Variants in DRC7 observed in about 807,000 individuals in gnomAD.
DRC7 encodes the protein coiled-coil domain containing 135.
A neutral mutation model predicts 104.4 loss-of-function variants in DRC7; 80 were observed. That is an observed-to-expected ratio of 0.77 (90% CI 0.64 to 0.92). The LOEUF is 0.92. Among genes scored for constraint, DRC7 ranks in the 40% least tolerant of loss-of-function variants. The pLI, the probability that DRC7 is intolerant of heterozygous loss-of-function variation, is 0.00. For missense variants in DRC7, 1,034 were observed against 1,141.1 expected (o/e 0.91, Z 1.35); for synonymous variants, 405 against 447.3 (o/e 0.91, Z 1.19).
At chr16:57,726,012 A>C in intron 13 of DRC7, 56 bp from the exon 14 acceptor site, 1 of 1,494,124 alleles carries the variant, frequency 6.7e-7, no homozygotes, top group Non-Finnish European at 9.2e-7. Context: ...CATGCACAGA[A>C]ATCTCCTCTC....
chr16:57,699,240 C>A (rs1436127977), intron 4 of DRC7, among the ~76,000 whole-genome samples: 2 of 152,218 alleles, frequency 1.3e-5, no homozygotes, highest in Non-Finnish European at 2.9e-5. Flanking sequence ...GGTCTGGAGA[C>A]CCCATGCCCC....
chr16:57,711,135 G>T (rs1443331196), intron 8 of DRC7, among the ~76,000 whole-genome samples: 1 of 152,164 alleles, frequency 6.6e-6, no homozygotes, highest in Admixed American at 6.5e-5. Context: ...AGGATTTTAA[G>T]GTACAAATTC....
chr16:57,713,003 A>C (rs1267975700), intron 8 of DRC7, among the ~76,000 whole-genome samples: 3 of 152,200 alleles, frequency 2.0e-5, no homozygotes, highest in Admixed American at 6.5e-5. Context: ...TTTAGTTTAC[A>C]GATATTTAGA....
intron 4 of DRC7, among the ~76,000 whole-genome samples, chr16:57,699,281 G>A (rs1188927319): frequency 2.0e-5 from 3 of 152,266 alleles, no homozygotes; most frequent in African/African-American, 4.8e-5. Flanking sequence ...GATTGCTGCG[G>A]GGAAACTGCA....
At chr16:57,708,033 A>T (rs2048751990) in intron 8 of DRC7, among the ~76,000 whole-genome samples, 1 of 152,242 alleles carries the variant, frequency 6.6e-6, no homozygotes, top group East Asian at 1.9e-4. Flanking sequence ...TCCTACACCC[A>T]GACCAAGAAA....
rs1484368495 is a variant in DRC7, at chr16:57,722,819, C to T, written c.1386C>T (p.Leu462=). The T allele has an allele frequency of 3.7e-6, 6 of 1,613,852 alleles. No individual in the cohort carries two copies. In the Admixed American group the frequency reaches 5.0e-5, roughly 13 times the overall value. Residue 462 remains leucine (L), a synonymous_variant, in exon 11 of 19, where the codon CTC becomes CTT. Transcript: ENST00000360716. ...YLNSNGLVSR[L]TTYEDLQCTN... Reference sequence around the variant, plus strand: ...ATAGCAATGGCCTTGTGAGCCGCCTCACCACCTATGAGGACTTGCAGTGTA... The same window carrying T: ...ATAGCAATGGCCTTGTGAGCCGCCTTACCACCTATGAGGACTTGCAGTGTA...
chr16:57,695,029 G>A (rs878902259), intron 1 of DRC7, among the ~76,000 whole-genome samples, 177 bp downstream of exon 1: 33 of 151,994 alleles, frequency 2.2e-4, no homozygotes, highest in Admixed American at 1.7e-3. Flanking sequence ...GTGGAGAGGG[G>A]GTGCAGGGAA....
At chr16:57,727,707 C>T (rs1326790663) in intron 16 of DRC7, among the ~76,000 whole-genome samples, 5 of 152,256 alleles carry the variant, frequency 3.3e-5, no homozygotes, top group Non-Finnish European at 5.9e-5. Context: ...TGAGGTTGCA[C>T]CCTGGGCCAG....
Position 57,731,380 on chromosome 16 carries a change from G to A in DRC7, c.*122G>A. The A allele has an allele frequency of 1.4e-6, 1 of 692,342 alleles. No homozygotes were observed. 42.9% of individuals were successfully genotyped at this position (692,342 alleles called of 1,614,324 possible). A position where few individuals can be genotyped will look rare whatever the true frequency, so the allele number is the denominator to read the frequency against. On this transcript the variant is annotated 3_prime_UTR_variant, in exon 19 of 19. Transcript: ENST00000360716. Reference sequence around the variant, plus strand: ...ACACAGACACCTGGCCTCACTGCCAGCCCACCTCCCCTACAGCCCTGTTTG... The same window carrying A: ...ACACAGACACCTGGCCTCACTGCCAACCCACCTCCCCTACAGCCCTGTTTG...
At chr16:57,730,602 G>C (rs1400739094) in intron 17 of DRC7, among the ~76,000 whole-genome samples, 2 of 152,020 alleles carry the variant, frequency 1.3e-5, no homozygotes, top group East Asian at 1.9e-4. Flanking sequence ...ACAAGGGGAG[G>C]GGGGAGTACA....
intron 16 of DRC7, 51 bp downstream of exon 16, chr16:57,727,460 T>TCCCCACCACC: frequency 1.5e-6 from 2 of 1,375,094 alleles, no homozygotes; most frequent in South Asian, 1.2e-5. Flanking sequence ...ACCCCCCTGG[T>TCCCCACCACC]CTCCAGGGTG....
chr16:57,700,631 G>C (rs2048647249), intron 5 of DRC7, among the ~76,000 whole-genome samples: 1 of 116,720 alleles, frequency 8.6e-6, no homozygotes, highest in Admixed American at 1.0e-4. Flanking sequence ...TGAGTGATAA[G>C]AGCAAAACTC....
intron 17 of DRC7, among the ~76,000 whole-genome samples, chr16:57,728,998 GTAGA>G (rs1259715643): frequency 1.5e-4 from 23 of 149,042 alleles, no homozygotes; most frequent in Middle Eastern, 3.5e-3. Flanking sequence ...GGATGGGTGA[GTAGA>G]TAGATAGGTG....
chr16:57,707,706 T>A (rs745469880), intron 8 of DRC7, 28 bp downstream of exon 8: 1 of 1,596,492 alleles, frequency 6.3e-7, no homozygotes, highest in Non-Finnish European at 8.6e-7. Context: ...GCTGGGTGGG[T>A]GTGGCAGGCA....
rs1408435347 is a variant in DRC7, at chr16:57,718,420, C to T, written c.1151C>T (p.Ser384Phe). The T allele has an allele frequency of 6.2e-7, 1 of 1,614,088 alleles. No individual in the cohort carries two copies. The highest frequency in any genetic ancestry group is 1.3e-5 in the African/African-American group (1 of 75,026). Residue 384 changes from serine (S) to phenylalanine (F), a missense_variant, in exon 9 of 19, where the codon TCC (serine) becomes TTC (phenylalanine). Physicochemically the swap from Ser to Phe is radical, Grantham distance 155. Transcript: ENST00000360716. ...MLLGTDKSQL[S>F]LTEEDDSGIN... Reference sequence around the variant, plus strand: ...CTGGGGACTGATAAGTCTCAGCTGTCCTTGACTGAAGAAGACGACAGTGGG... The same window carrying T: ...CTGGGGACTGATAAGTCTCAGCTGTTCTTGACTGAAGAAGACGACAGTGGG...
At chr16:57,727,002 C>T (rs2048976657) in intron 15 of DRC7, 60 bp downstream of exon 15, 10 of 1,063,720 alleles carry the variant, frequency 9.4e-6, no homozygotes, top group Admixed American at 2.0e-5. Context: ...GATAGGGTCT[C>T]GCTCTATAAC....
chr16:57,729,363 T>C (rs2049018530), intron 17 of DRC7, among the ~76,000 whole-genome samples: 1 of 139,112 alleles, frequency 7.2e-6, no homozygotes. Flanking sequence ...AGTGAGTGAG[T>C]GGGCAGATGG....
intron 3 of DRC7, among the ~76,000 whole-genome samples, 200 bp from the exon 4 acceptor site, chr16:57,698,650 A>G (rs1378223415): frequency 6.6e-6 from 1 of 152,184 alleles, no homozygotes; most frequent in Non-Finnish European, 1.5e-5. Context: ...TGATTGTGCT[A>G]TCACACTCCA....
At chr16:57,719,753 T>C (rs1247948277) in intron 9 of DRC7, among the ~76,000 whole-genome samples, 1 of 152,108 alleles carries the variant, frequency 6.6e-6, no homozygotes, top group African/African-American at 2.4e-5. Context: ...AGAGATCCCC[T>C]TGCCTTGGCC....
Sources: allele counts gnomAD v4.1 joint callset (sites outside exome capture counted in the v4.1 genomes callset), GRCh38; gene constraint gnomAD v4.1.1; transcripts MANE v1.5; gene names NCBI Gene and HGNC (gene_info 2026-07-23, HGNC 2026-07-21).